Variants in ADAMTS18 observed in about 807,000 individuals in gnomAD.
The protein encoded by ADAMTS18 is ADAM metallopeptidase with thrombospondin type 1 motif 18.
ADAMTS18 carries 157 observed loss-of-function variants against 165.9 expected under a neutral mutation model. That is an observed-to-expected ratio of 0.95 (90% CI 0.83 to 1.08). The LOEUF is 1.08. ADAMTS18 is among the 50% of genes least tolerant of loss of function. The pLI is 0.00. For missense variants in ADAMTS18, 2,040 were observed against 1,534.0 expected (o/e 1.33, Z -5.51); for synonymous variants, 782 against 578.2 (o/e 1.35, Z -5.06).
Position 77,362,183 on chromosome 16 carries a change from C to G in ADAMTS18, c.1138G>C (p.Gly380Arg). 6.2e-7 allele frequency: 1 copy of G among 1,614,076 alleles called. No homozygotes were observed. The highest frequency in any genetic ancestry group is 1.7e-5 in the Admixed American group (1 of 60,020). ...QWQSALIGKNGKRHDHAILLT... is the reference protein window; with the variant it reads ...QWQSALIGKNRKRHDHAILLT... ...AAGATGGCATGATCATGTCTCTTGC[C>G]ATTCTTTCCAATGAGGGCAGACTGC... is the stretch of plus-strand genomic sequence containing the variant. The change falls in exon 7 of 23, where the codon GGC becomes CGC. Residue 380 changes from glycine (G) to arginine (R), a missense_variant. By Grantham distance (125) the Gly-to-Arg change is moderately radical. Coordinates refer to ENST00000282849, the MANE Select transcript of ADAMTS18 (RefSeq NM_199355.4).
Position 77,282,486 on chromosome 16 carries a change from CT to C in ADAMTS18, c.*1469del, listed in dbSNP as rs2055164806. On this transcript the variant is annotated 3_prime_UTR_variant, in exon 23 of 23. Coordinates refer to ENST00000282849, the MANE Select transcript of ADAMTS18 (RefSeq NM_199355.4). ...TTCTCTGGGATTCAAGAACTCATGA[CT>C]TTAATTAGAATGGGAACGAAGTATG... 1 of 152,444 alleles carries C rather than the reference CT, an allele frequency of 6.6e-6. No homozygotes were observed. Among genetic ancestry groups the C allele is most frequent in the Non-Finnish European group, 1.5e-5 (1 of 68,024 alleles). 9.4% of individuals were successfully genotyped at this position (152,444 alleles called of 1,614,324 possible).
At chr16:77,287,803 T>C (rs184510548) in intron 22 of ADAMTS18, among the ~76,000 whole-genome samples, 97 of 152,260 alleles carry the variant, frequency 6.4e-4, no homozygotes, top group South Asian at 1.9e-3. Context: ...ATTTCTCATA[T>C]GCACCCTATG....
At chr16:77,389,732 CAA>C (rs944856164) in intron 3 of ADAMTS18, among the ~76,000 whole-genome samples, 2 of 152,076 alleles carry the variant, frequency 1.3e-5, no homozygotes, top group African/African-American at 4.8e-5. Flanking sequence ...GCCAAGTGAA[CAA>C]AGAGAGAATG....
chr16:77,329,809 G>A (rs1026423198), intron 12 of ADAMTS18, among the ~76,000 whole-genome samples: 22 of 152,060 alleles, frequency 1.4e-4, no homozygotes, highest in Non-Finnish European at 2.5e-4. Context: ...ATGTCTTGGT[G>A]TAAGAAGTTG....
At chr16:77,353,600 C>T (rs2056586125) in intron 10 of ADAMTS18, 133 bp downstream of exon 10, 2 of 1,245,558 alleles carry the variant, frequency 1.6e-6, no homozygotes, top group Admixed American at 1.9e-5. Flanking sequence ...ATTATCATGC[C>T]AAACAACTGA....
chr16:77,282,554 G>T lies in ADAMTS18; in HGVS notation c.*1402C>A, dbSNP rs2055166029. On this transcript the variant is annotated 3_prime_UTR_variant, in exon 23 of 23. Transcript: ENST00000282849. ...ACCACTGTCTAGTTGATTATGCTGA[G>T]CTGGCTAATCCAGCTTGAATTGAGA... 2.0e-5 allele frequency: 3 copies of T among 152,584 alleles called. No homozygotes were observed. The South Asian group carries it at 6.2e-4, about 32-fold the overall frequency. The allele number at this position is 152,584 out of a possible 1,614,324, so 9.5% of individuals were successfully genotyped here. A position where few individuals can be genotyped will look rare whatever the true frequency, so the allele number is the denominator to read the frequency against.
At chr16:77,294,494 C>G (rs1050607679) in intron 19 of ADAMTS18, among the ~76,000 whole-genome samples, 1 of 152,188 alleles carries the variant, frequency 6.6e-6, no homozygotes, top group Non-Finnish European at 1.5e-5. Context: ...GAATTTGTGA[C>G]CATAGCAAAC....
At chr16:77,361,828 G>C (rs1396882693) in intron 7 of ADAMTS18, among the ~76,000 whole-genome samples, 3 of 152,044 alleles carry the variant, frequency 2.0e-5, no homozygotes, top group Non-Finnish European at 4.4e-5. Flanking sequence ...AGGTTGTAGT[G>C]AACCGAGATT....
chr16:77,325,754 G>A (rs767581938), intron 13 of ADAMTS18, 112 bp downstream of exon 13: 42 of 1,127,344 alleles, frequency 3.7e-5, no homozygotes, highest in Non-Finnish European at 5.2e-5. Flanking sequence ...GGTCTGGGGA[G>A]TGAAAGGTAA....
At chr16:77,339,786 C>G (rs763678994) in intron 11 of ADAMTS18, among the ~76,000 whole-genome samples, 1 of 151,854 alleles carries the variant, frequency 6.6e-6, no homozygotes, top group Non-Finnish European at 1.5e-5. Context: ...CCTAAGACCA[C>G]TATCGGATTA....
Position 77,367,435 on chromosome 16 carries a change from A to T in ADAMTS18, c.778+6T>A, listed in dbSNP as rs1555519962. 6.2e-7 allele frequency: 1 copy of T among 1,614,170 alleles called. No individual in the cohort carries two copies. Among genetic ancestry groups the T allele is most frequent in the Non-Finnish European group, 8.5e-7 (1 of 1,180,024 alleles). ...GAACAGAAAAAGAAAAAGTTTCCTT[A>T]CATACATTTCTTGCGTCGTCCACAA... On this transcript the variant is annotated splice_donor_region_variant and intron_variant, in intron 4 of 22. Transcript: ENST00000282849.
chr16:77,323,360 G>A lies in ADAMTS18; in HGVS notation c.2033-894C>T, dbSNP rs117093343. Among the ~76,000 whole-genome samples the A allele has an allele frequency of 2.5e-3, 382 of 152,218 alleles. 4 individuals carry two copies. The highest frequency in any genetic ancestry group is 3.2e-3 in the Non-Finnish European group (221 of 68,002). On this transcript the variant is annotated intron_variant, in intron 13 of 22. Coordinates refer to ENST00000282849, the MANE Select transcript of ADAMTS18 (RefSeq NM_199355.4). Reference sequence around the variant, plus strand: ...TAAAAGACAAACTAAAAACTCAAACGTGAAAGGAGTTAAATTATCACAGTC... The same window carrying A: ...TAAAAGACAAACTAAAAACTCAAACATGAAAGGAGTTAAATTATCACAGTC...
intron 15 of ADAMTS18, among the ~76,000 whole-genome samples, 158 bp downstream of exon 15, chr16:77,320,921 A>G (rs974873539): frequency 6.6e-6 from 1 of 152,216 alleles, no homozygotes; most frequent in Admixed American, 6.5e-5. Context: ...GAAATTCCTC[A>G]CAACTATCTC....
At chr16:77,370,814 C>T (rs1222713411) in intron 3 of ADAMTS18, among the ~76,000 whole-genome samples, 5 of 144,116 alleles carry the variant, frequency 3.5e-5, no homozygotes, top group African/African-American at 8.3e-5. Flanking sequence ...TATACATATA[C>T]ACACACACAC....
intron 3 of ADAMTS18, among the ~76,000 whole-genome samples, chr16:77,374,281 G>A (rs962763917): frequency 6.6e-6 from 1 of 151,698 alleles, no homozygotes; most frequent in Non-Finnish European, 1.5e-5. Flanking sequence ...AGGTGATGCT[G>A]AAGGCATGCC....
At chr16:77,344,997 A>G (rs1042109744) in intron 10 of ADAMTS18, among the ~76,000 whole-genome samples, 1 of 152,142 alleles carries the variant, frequency 6.6e-6, no homozygotes, top group Non-Finnish European at 1.5e-5. Flanking sequence ...CCCTGGACTT[A>G]AGTCATAATT....
chr16:77,335,006 T>G (rs2056284830), intron 12 of ADAMTS18, among the ~76,000 whole-genome samples: 1 of 144,066 alleles, frequency 6.9e-6, no homozygotes, highest in African/African-American at 2.5e-5. Context: ...TGTATATTAA[T>G]AGTATATAGT....
chr16:77,334,231 A>G (rs1397801269), intron 12 of ADAMTS18, among the ~76,000 whole-genome samples: 2 of 74,038 alleles, frequency 2.7e-5, no homozygotes, highest in African/African-American at 1.1e-4. Context: ...TATTATATAT[A>G]ATATATAGTG....
At chr16:77,379,853 A>G in intron 3 of ADAMTS18, among the ~76,000 whole-genome samples, 1 of 152,076 alleles carries the variant, frequency 6.6e-6, no homozygotes, top group Non-Finnish European at 1.5e-5. Flanking sequence ...TGAGCACTTC[A>G]AGGTCACTTC....
Sources: allele counts gnomAD v4.1 joint callset (sites outside exome capture counted in the v4.1 genomes callset), GRCh38; gene constraint gnomAD v4.1.1; transcripts MANE v1.5; gene names NCBI Gene and HGNC (gene_info 2026-07-23, HGNC 2026-07-21).